PTPN2: variants seen among roughly 807,000 people sequenced by gnomAD.
PTPN2 encodes protein tyrosine phosphatase non-receptor type 2.
In PTPN2, 19 loss-of-function variants were observed where a neutral mutation model predicts 57.3. The observed-to-expected ratio is 0.33, with a 90% CI of 0.23 to 0.49. The LOEUF (loss-of-function observed/expected upper bound fraction) is 0.49, where lower values mean the gene tolerates loss of function less well. Ranked by LOEUF, PTPN2 falls within the 20% of genes least tolerant of loss-of-function variation. The pLI, the probability that PTPN2 is intolerant of heterozygous loss-of-function variation, is 0.99. For synonymous variants in PTPN2, 153 were observed against 164.9 expected (o/e 0.93, Z 0.55); for missense variants, 358 against 501.1 (o/e 0.71, Z 2.73).
chr18:12,847,036 T>C (rs1231525975), intron 2 of PTPN2, among the ~76,000 whole-genome samples: 1 of 86,928 alleles, frequency 1.2e-5, no homozygotes, highest in East Asian at 3.6e-4. Context: ...ATGTACAAGA[T>C]TTTTGTCAGT....
chr18:12,799,852 A>G (rs1598738254), intron 8 of PTPN2, among the ~76,000 whole-genome samples: 1 of 152,178 alleles, frequency 6.6e-6, no homozygotes, highest in East Asian at 1.9e-4. Context: ...GCTGGTCTCA[A>G]ACTCCTGACC....
Position 12,826,129 on chromosome 18 carries a change from G to A in PTPN2, c.361-185C>T, listed in dbSNP as rs150900546. On this transcript the variant is annotated intron_variant, in intron 4 of 8. Transcript: ENST00000309660. ...TAAGATTGAAATTTTATAGCCGGGC[G>A]CGGTGACTCACGCCTGTAATCCCAA... Among the ~76,000 whole-genome samples, 676 of 152,302 alleles carry A rather than the reference G, an allele frequency of 4.4e-3. 4 individuals are homozygous for A. Among genetic ancestry groups the A allele is most frequent in the African/African-American group, 0.016 (649 of 41,556 alleles).
At chr18:12,823,439 T>A (rs2042340290) in intron 5 of PTPN2, among the ~76,000 whole-genome samples, 1 of 152,166 alleles carries the variant, frequency 6.6e-6, no homozygotes, top group South Asian at 2.1e-4. Context: ...TTTGGGAGGC[T>A]GAGGCGGGCA....
At chr18:12,872,929 G>A (rs1332075472) in intron 1 of PTPN2, among the ~76,000 whole-genome samples, 2 of 152,116 alleles carry the variant, frequency 1.3e-5, no homozygotes, top group Non-Finnish European at 2.9e-5. Flanking sequence ...TTCCAATTAA[G>A]AATGTAACAG....
chr18:12,785,685 AC>A (rs2040829556), exon 10 of PTPN2: 2 of 763,464 alleles, frequency 2.6e-6, no homozygotes, highest in Non-Finnish European at 4.5e-6. Context: ...TGTAAAGTTT[AC>A]TTTGTAAACA....
At chr18:12,835,415 G>C (rs1970653) in intron 3 of PTPN2, among the ~76,000 whole-genome samples, 2 of 65,812 alleles carry the variant, frequency 3.0e-5, no homozygotes, top group African/African-American at 1.0e-4. Flanking sequence ...TTGCTCTTTC[G>C]CTCAGGCTGG....
intron 1 of PTPN2, among the ~76,000 whole-genome samples, chr18:12,877,266 C>T (rs1309752599): frequency 6.6e-6 from 1 of 152,110 alleles, no homozygotes; most frequent in Non-Finnish European, 1.5e-5. Flanking sequence ...CTACACAGAA[C>T]AGACAAGTAG....
chr18:12,879,207 T>C (rs549626933), intron 1 of PTPN2, among the ~76,000 whole-genome samples: 1 of 152,222 alleles, frequency 6.6e-6, no homozygotes, highest in Non-Finnish European at 1.5e-5. Flanking sequence ...GGCACAATTA[T>C]GGCTCACTGC....
At chr18:12,788,727 C>T (rs948003536), downstream of PTPN2, among the ~76,000 whole-genome samples, 2 of 152,056 alleles carry the variant, frequency 1.3e-5, no homozygotes, top group Non-Finnish European at 2.9e-5. Flanking sequence ...AAAGGCTCAG[C>T]AATGGCAGTG....
chr18:12,827,200 G>A lies in PTPN2; in HGVS notation c.361-1256C>T, dbSNP rs1051656719. ...CTACTAAAAATACAACAAATTAGCC[G>A]GGTGTGGTGGTGGACGCCTGTAGCC... On this transcript the variant is annotated intron_variant, in intron 4 of 8. Coordinates refer to ENST00000309660, the MANE Select transcript of PTPN2 (RefSeq NM_002828.4). 1.1e-4 allele frequency among the ~76,000 whole-genome samples: 16 copies of A among 151,938 alleles called. 1 individual carries two copies. The South Asian group carries it at 1.2e-3, about 12-fold the overall frequency.
At chr18:12,805,026 C>T (rs562595378) in intron 7 of PTPN2, among the ~76,000 whole-genome samples, 2 of 152,152 alleles carry the variant, frequency 1.3e-5, no homozygotes, top group East Asian at 3.9e-4. Context: ...TTACCATGAC[C>T]AAGTGGGATT....
At chr18:12,825,971 T>C (rs1472701811) in intron 4 of PTPN2, 27 bp from the exon 5 acceptor site, 1 of 1,551,004 alleles carries the variant, frequency 6.4e-7, no homozygotes, top group South Asian at 1.2e-5. Context: ...GTATATGATT[T>C]TTTTTTAGTT....
chr18:12,872,713 C>T (rs185277262), intron 1 of PTPN2, among the ~76,000 whole-genome samples: 3,378 of 152,244 alleles, frequency 0.022, 133 homozygotes, highest in African/African-American at 0.074. Context: ...CTCTCATAAA[C>T]ATGTTTCATC....
chr18:12,857,646 A>C (rs1245593737), intron 2 of PTPN2, among the ~76,000 whole-genome samples: 1 of 152,192 alleles, frequency 6.6e-6, no homozygotes, highest in Non-Finnish European at 1.5e-5. Flanking sequence ...AGAGATTTGG[A>C]GGCAGGGGAA....
chr18:12,808,850 T>A (rs1410624241), intron 7 of PTPN2, among the ~76,000 whole-genome samples: 2 of 152,124 alleles, frequency 1.3e-5, no homozygotes, highest in African/African-American at 4.8e-5. Flanking sequence ...AACACAAAAA[T>A]TTTTAAAAAG....
At chr18:12,820,571 A>C (rs762466904) in intron 5 of PTPN2, among the ~76,000 whole-genome samples, 3 of 152,102 alleles carry the variant, frequency 2.0e-5, no homozygotes, top group Non-Finnish European at 4.4e-5. Context: ...AGACTTTACA[A>C]TTTTTGGCAA....
intron 1 of PTPN2, among the ~76,000 whole-genome samples, chr18:12,867,457 T>C (rs1259823703): frequency 1.3e-5 from 2 of 152,194 alleles, no homozygotes; most frequent in African/African-American, 2.4e-5. Context: ...TTTTTTTTTG[T>C]CCTCAGATGT....
intron 1 of PTPN2, among the ~76,000 whole-genome samples, chr18:12,859,751 C>T (rs1422230880): frequency 6.6e-6 from 1 of 152,148 alleles, no homozygotes; most frequent in African/African-American, 2.4e-5. Flanking sequence ...CATGTTCACG[C>T]TATTTAACTG....
At chr18:12,873,439 C>T (rs1002625708) in intron 1 of PTPN2, among the ~76,000 whole-genome samples, 1 of 152,206 alleles carries the variant, frequency 6.6e-6, no homozygotes, top group African/African-American at 2.4e-5. Context: ...AGGTGCGCGC[C>T]GCCATGCCTG....
Sources: allele counts gnomAD v4.1 joint callset (sites outside exome capture counted in the v4.1 genomes callset), GRCh38; gene constraint gnomAD v4.1.1; transcripts MANE v1.5; gene names NCBI Gene and HGNC (gene_info 2026-07-23, HGNC 2026-07-21).